ADAMTSL1: variants seen among roughly 807,000 people sequenced by gnomAD.
The protein encoded by ADAMTSL1 is ADAMTS like 1, also known as ADAMTS-like protein 1.
Under a neutral mutation model 201.8 loss-of-function variants are expected in ADAMTSL1, and 126 were observed. The ratio of observed to expected loss-of-function variants is 0.62; its 90% CI spans 0.54 to 0.72. The LOEUF (loss-of-function observed/expected upper bound fraction) is 0.72, where lower values mean the gene tolerates loss of function less well. Ranked by LOEUF, ADAMTSL1 falls within the 30% of genes least tolerant of loss-of-function variation. The probability of loss-of-function intolerance (pLI) is 0.00; values close to 1 mark genes in which losing one functional copy is unlikely to be tolerated. For missense variants in ADAMTSL1, 2,679 were observed against 2,277.8 expected (o/e 1.18, Z -3.59); for synonymous variants, 1,121 against 903.4 (o/e 1.24, Z -4.32).
intron 23 of ADAMTSL1, among the ~76,000 whole-genome samples, chr9:18,853,371 G>C (rs1454240024): frequency 6.6e-6 from 1 of 152,184 alleles, no homozygotes; most frequent in Non-Finnish European, 1.5e-5. Flanking sequence ...TTCAAGGATA[G>C]TTTGGTGGGT....
chr9:18,399,898 A>G (rs1303942600), intron 2 of ADAMTSL1, among the ~76,000 whole-genome samples: 8 of 152,146 alleles, frequency 5.3e-5, no homozygotes. Flanking sequence ...ATTATAGGCA[A>G]TAACTCAGGA....
intron 1 of ADAMTSL1, among the ~76,000 whole-genome samples, chr9:18,007,534 T>C (rs993454075): frequency 2.0e-5 from 3 of 151,974 alleles, no homozygotes; most frequent in Non-Finnish European, 4.4e-5. Context: ...CCTGAAGATA[T>C]CCAGTATAAT....
At chr9:18,740,695 T>C (rs914199578) in intron 15 of ADAMTSL1, among the ~76,000 whole-genome samples, 6 of 152,190 alleles carry the variant, frequency 3.9e-5, no homozygotes, top group East Asian at 1.9e-4. Flanking sequence ...CAGGCTGGTC[T>C]CGAACTCCTG....
Position 18,608,254 on chromosome 9 carries a change from C to T in ADAMTSL1, c.475-13989C>T, listed in dbSNP as rs75038420. Among the ~76,000 whole-genome samples, 215 of 152,286 alleles carry T rather than the reference C, an allele frequency of 1.4e-3. 1 individual carries two copies. The highest frequency in any genetic ancestry group is 4.8e-3 in the African/African-American group (199 of 41,566). ...AACTAGTTTGGGACAACTGACTAAACACCAATAACTATTATAAAACTGTAG... is the reference window on the plus strand; with the variant it reads ...AACTAGTTTGGGACAACTGACTAAATACCAATAACTATTATAAAACTGTAG... On this transcript the variant is annotated intron_variant, in intron 4 of 28. Coordinates refer to ENST00000380548, the MANE Select transcript of ADAMTSL1 (RefSeq NM_001040272.6).
intron 1 of ADAMTSL1, among the ~76,000 whole-genome samples, chr9:18,097,775 A>AT (rs2131835878): frequency 1.3e-5 from 2 of 152,042 alleles, no homozygotes; most frequent in South Asian, 4.1e-4. Context: ...TTATCTTCCC[A>AT]TTCCTAGGTT....
intron 1 of ADAMTSL1, among the ~76,000 whole-genome samples, chr9:17,992,779 T>G (rs1490975205): frequency 6.6e-6 from 1 of 152,310 alleles, no homozygotes; most frequent in Non-Finnish European, 1.5e-5. Context: ...GCTATTACCC[T>G]ATAACTTACG....
At chr9:18,270,706 C>T (rs1248144144) in intron 2 of ADAMTSL1, among the ~76,000 whole-genome samples, 2 of 152,082 alleles carry the variant, frequency 1.3e-5, no homozygotes, top group East Asian at 3.9e-4. Context: ...GCTAACAGAC[C>T]ATCACAATTT....
At chr9:18,085,113 G>T (rs1262449082) in intron 1 of ADAMTSL1, among the ~76,000 whole-genome samples, 1 of 152,216 alleles carries the variant, frequency 6.6e-6, no homozygotes, top group East Asian at 1.9e-4. Flanking sequence ...TGATGAGACT[G>T]GAGTGGACTG....
At chr9:18,076,162 G>A (rs547680491) in intron 1 of ADAMTSL1, among the ~76,000 whole-genome samples, 119 of 152,208 alleles carry the variant, frequency 7.8e-4, no homozygotes, top group Non-Finnish European at 1.3e-3. Flanking sequence ...GTGGTTTCAC[G>A]TTTTATTTTG....
At chr9:18,535,910 G>A (rs915547887) in intron 3 of ADAMTSL1, among the ~76,000 whole-genome samples, 5 of 152,106 alleles carry the variant, frequency 3.3e-5, no homozygotes, top group Admixed American at 6.5e-5. Flanking sequence ...GGGATTATGG[G>A]AAGTACAACT....
intron 28 of ADAMTSL1, 181 bp from the exon 29 acceptor site, chr9:18,908,261 C>T: frequency 3.2e-6 from 2 of 627,504 alleles, no homozygotes; most frequent in Non-Finnish European, 5.8e-6. Context: ...CTGTTGGCAG[C>T]CTTGGGGAGC....
At chr9:18,507,776 AG>A (rs1817774956) in intron 2 of ADAMTSL1, among the ~76,000 whole-genome samples, 1 of 152,212 alleles carries the variant, frequency 6.6e-6, no homozygotes, top group Non-Finnish European at 1.5e-5. Flanking sequence ...TCATTTCAAA[AG>A]GGTCTGACAG....
At chr9:18,736,520 G>A (rs1283403926) in intron 15 of ADAMTSL1, among the ~76,000 whole-genome samples, 3 of 152,144 alleles carry the variant, frequency 2.0e-5, no homozygotes, top group Non-Finnish European at 4.4e-5. Flanking sequence ...CATGTGGGCT[G>A]GATTGACCCT....
chr9:18,830,529 C>G (rs562562220), intron 23 of ADAMTSL1, among the ~76,000 whole-genome samples: 20 of 152,276 alleles, frequency 1.3e-4, no homozygotes, highest in South Asian at 1.0e-3. Flanking sequence ...GTACAACCTC[C>G]CTGTCATCTA....
chr9:18,225,249 G>C (rs893151174), intron 2 of ADAMTSL1, among the ~76,000 whole-genome samples: 16 of 152,104 alleles, frequency 1.1e-4, no homozygotes, highest in Non-Finnish European at 1.9e-4. Flanking sequence ...TCTAAAGTGT[G>C]CTAAATTTCT....
Position 18,185,631 on chromosome 9 carries a change from A to G in ADAMTSL1, c.207+21650A>G, listed in dbSNP as rs183787595. ...GGTAGGTACTGATAGCAACGAGAGAAGAGACAACTGACAAGGAGACAAAAT... is the reference window on the plus strand; with the variant it reads ...GGTAGGTACTGATAGCAACGAGAGAGGAGACAACTGACAAGGAGACAAAAT... On this transcript the variant is annotated intron_variant, in intron 2 of 29. Transcript: ENST00000680146. Among the ~76,000 whole-genome samples, 55 of 152,334 alleles carry G rather than the reference A, an allele frequency of 3.6e-4. 1 individual carries two copies. The highest frequency in any genetic ancestry group is 1.1e-3 in the Admixed American group (17 of 15,302).
chr9:18,759,573 T>G (rs1000835887), intron 16 of ADAMTSL1, among the ~76,000 whole-genome samples: 8 of 152,244 alleles, frequency 5.3e-5, no homozygotes, highest in African/African-American at 1.9e-4. Flanking sequence ...TATCTCATTT[T>G]CAATAGTGTA....
At chr9:18,422,558 GCTT>G (rs1472748295) in intron 2 of ADAMTSL1, among the ~76,000 whole-genome samples, 2 of 152,074 alleles carry the variant, frequency 1.3e-5, no homozygotes, top group African/African-American at 4.8e-5. Flanking sequence ...CGCTACTCCT[GCTT>G]CTTGTATTTC....
chr9:18,762,851 A>G (rs1820152651), intron 16 of ADAMTSL1, among the ~76,000 whole-genome samples: 1 of 152,210 alleles, frequency 6.6e-6, no homozygotes, highest in African/African-American at 2.4e-5. Context: ...TTATGTTTGA[A>G]TAGTACTCCA....
Sources: gnomAD v4.1 joint callset for allele counts (sites outside exome capture counted in the v4.1 genomes callset) on GRCh38, gnomAD v4.1.1 for gene constraint, MANE v1.5 for transcripts, NCBI Gene and HGNC (gene_info 2026-07-23, HGNC 2026-07-21) for gene names.